The following ZMIZ1 variants were observed in gnomAD, a reference collection of about 807,000 sequenced individuals.
ZMIZ1 encodes zinc finger MIZ domain-containing protein 1.
A neutral mutation model predicts 113.9 loss-of-function variants in ZMIZ1; 17 were observed. The observed-to-expected ratio is 0.15, with a 90% CI of 0.10 to 0.22. The LOEUF is 0.22. ZMIZ1 is among the 10% of genes least tolerant of loss of function. ZMIZ1 has a pLI of 1.00. For missense variants in ZMIZ1, 1,059 were observed against 1,477.8 expected, an observed-to-expected ratio of 0.72 and a Z score of 4.65; for synonymous variants, 607 against 603.1, an observed-to-expected ratio of 1.01 and a Z score of -0.09.
At chr10:79,142,531 T>A (rs1049602039) in intron 3 of ZMIZ1, among the ~76,000 whole-genome samples, 2 of 152,224 alleles carry the variant, frequency 1.3e-5, no homozygotes, top group South Asian at 4.2e-4. Flanking sequence ...TGGAAAGGAC[T>A]CTGTATGCTG....
chr10:79,146,805 C>T (rs998257762), intron 3 of ZMIZ1, among the ~76,000 whole-genome samples: 2 of 152,316 alleles, frequency 1.3e-5, no homozygotes, highest in East Asian at 3.9e-4. Context: ...CCTGGCACAT[C>T]CAGGAAGCAG....
intron 7 of ZMIZ1, among the ~76,000 whole-genome samples, chr10:79,238,812 A>T (rs1157412602): frequency 6.6e-6 from 1 of 152,210 alleles, no homozygotes; most frequent in Non-Finnish European, 1.5e-5. Flanking sequence ...AGCTCCTGTC[A>T]GAAAGGTCTG....
At chr10:79,303,505 TC>T (rs1039518720) in intron 18 of ZMIZ1, among the ~76,000 whole-genome samples, 7 of 131,046 alleles carry the variant, frequency 5.3e-5, no homozygotes, top group Non-Finnish European at 8.1e-5. Flanking sequence ...TGGCTTGGAG[TC>T]CCCTTTGAAG....
chr10:79,183,903 T>G (rs1847239455), intron 4 of ZMIZ1, among the ~76,000 whole-genome samples: 1 of 152,210 alleles, frequency 6.6e-6, no homozygotes, highest in South Asian at 2.1e-4. Flanking sequence ...GTGCCCCTTA[T>G]TAGCTCTGTG....
chr10:79,293,749 G>A (rs763717652), intron 12 of ZMIZ1, 96 bp downstream of exon 12: 1 of 1,573,850 alleles, frequency 6.4e-7, no homozygotes, highest in Non-Finnish European at 8.7e-7. Flanking sequence ...GTGTGGCTTG[G>A]ACTCCAGCAC....
intron 4 of ZMIZ1, among the ~76,000 whole-genome samples, chr10:79,185,999 G>A (rs2132591390): frequency 6.6e-6 from 1 of 152,244 alleles, no homozygotes; most frequent in South Asian, 2.1e-4. Flanking sequence ...GTTACTGTTA[G>A]GAGACAAAAC....
At chr10:79,240,286 G>C (rs1275907139) in intron 7 of ZMIZ1, among the ~76,000 whole-genome samples, 3 of 152,268 alleles carry the variant, frequency 2.0e-5, no homozygotes, top group African/African-American at 7.2e-5. Flanking sequence ...CTGAGGTGGA[G>C]AGCGCCTTTG....
chr10:79,114,058 C>G (rs1473231040), intron 1 of ZMIZ1, among the ~76,000 whole-genome samples: 2 of 152,186 alleles, frequency 1.3e-5, no homozygotes, highest in East Asian at 1.9e-4. Context: ...TACCCCCGAT[C>G]CCCTCTGAGG....
At chr10:79,167,096 G>A (rs924877357) in intron 4 of ZMIZ1, among the ~76,000 whole-genome samples, 2 of 152,198 alleles carry the variant, frequency 1.3e-5, no homozygotes, top group African/African-American at 4.8e-5. Flanking sequence ...TCCATCCTCG[G>A]AAGCCTTCCT....
chr10:79,310,784 C>G (rs375505649), intron 23 of ZMIZ1, 140 bp from the exon 24 acceptor site: 1 of 985,382 alleles, frequency 1.0e-6, no homozygotes, highest in Non-Finnish European at 1.5e-6. Context: ...TGCCCAGAAA[C>G]AACGTTCAGC....
chr10:79,263,387 G>A (rs78930872), intron 7 of ZMIZ1, among the ~76,000 whole-genome samples: 13,092 of 152,200 alleles, frequency 0.086, 735 homozygotes, highest in East Asian at 0.19. Context: ...AGTCGGGGGT[G>A]CAAATGGTTG....
chr10:79,156,493 G>A (rs971786734), intron 3 of ZMIZ1, among the ~76,000 whole-genome samples: 3 of 152,202 alleles, frequency 2.0e-5, no homozygotes, highest in Non-Finnish European at 4.4e-5. Flanking sequence ...GCCCAGAGCT[G>A]CCTGTCCGCC....
chr10:79,292,460 T>C lies in ZMIZ1; in HGVS notation c.957+104T>C. 3 of 1,458,328 alleles carry C rather than the reference T, an allele frequency of 2.1e-6. No individual in the cohort carries two copies. The Admixed American group carries it at 5.9e-5, about 29-fold the overall frequency. The allele number at this position is 1,458,328 out of a possible 1,614,324, so 90.3% of individuals were successfully genotyped here. A position where few individuals can be genotyped will look rare whatever the true frequency, so the allele number is the denominator to read the frequency against. On this transcript the variant is annotated intron_variant, in intron 11 of 24. Coordinates refer to ENST00000334512, the MANE Select transcript of ZMIZ1 (RefSeq NM_020338.4). ...TCAGTGCTTATGGGGCCATGTGTGC[T>C]GGGAGAGCTGACTGCATTAGGGTGC...
In ZMIZ1 at chr10:79,299,134, C is replaced by G; in HGVS notation, c.1751C>G (p.Ala584Gly). The change falls in exon 16 of 25, where the codon GCG becomes GGG. Residue 584 changes from alanine to glycine, a missense_variant. Physicochemically the swap from Ala to Gly is moderately conservative, Grantham distance 60. Around this residue, in one of 6 missense-constraint regions of ZMIZ1, gnomAD observed 217 missense variants for 426.9 expected, o/e 0.51. Transcript: ENST00000334512. Reference protein sequence around the residue: ...LEPFRLEHNLAVSNHVFHLRP... With the variant: ...LEPFRLEHNLGVSNHVFHLRP... ...CCCTTCCGCCTGGAGCACAACCTGG[C>G]GGTCAGCAACCATGTGTTCCACCTG... 1 of 1,611,546 alleles carries G rather than the reference C, an allele frequency of 6.2e-7. No individual in the cohort carries two copies. The highest frequency in any genetic ancestry group is 8.5e-7 in the Non-Finnish European group (1 of 1,179,828).
At chr10:79,274,235 C>G (rs763171364) in intron 7 of ZMIZ1, among the ~76,000 whole-genome samples, 11 of 152,248 alleles carry the variant, frequency 7.2e-5, no homozygotes, top group Non-Finnish European at 1.6e-4. Flanking sequence ...CACACCACAC[C>G]AGGTCCTCCC....
At chr10:79,138,460 G>A (rs1845115452) in intron 2 of ZMIZ1, among the ~76,000 whole-genome samples, 1 of 152,192 alleles carries the variant, frequency 6.6e-6, no homozygotes, top group Non-Finnish European at 1.5e-5. Flanking sequence ...CCTCCTTTGG[G>A]ACACCCCGTC....
At chr10:79,099,270 T>C (rs1843273654) in intron 1 of ZMIZ1, among the ~76,000 whole-genome samples, 1 of 152,068 alleles carries the variant, frequency 6.6e-6, no homozygotes, top group Admixed American at 6.5e-5. Flanking sequence ...GTGCTGGTGC[T>C]GGATACCAGC....
intron 4 of ZMIZ1, among the ~76,000 whole-genome samples, chr10:79,182,453 T>C (rs1007538829): frequency 1.3e-5 from 2 of 151,258 alleles, no homozygotes; most frequent in South Asian, 2.1e-4. Flanking sequence ...TGGGCTGGGT[T>C]TGGGGGGAGA....
intron 6 of ZMIZ1, among the ~76,000 whole-genome samples, chr10:79,209,960 A>G (rs1848471205): frequency 1.3e-5 from 2 of 152,226 alleles, no homozygotes; most frequent in Non-Finnish European, 2.9e-5. Context: ...AGCCAGCACC[A>G]TCTGGCTCCC....
Sources: allele counts gnomAD v4.1 joint callset (sites outside exome capture counted in the v4.1 genomes callset), GRCh38; gene constraint gnomAD v4.1.1; regional missense constraint gnomAD v4.1.1; transcripts MANE v1.5; gene names NCBI Gene and HGNC (gene_info 2026-07-23, HGNC 2026-07-21).